IL1RAPL1: variants seen among roughly 807,000 people sequenced by gnomAD.
The protein encoded by IL1RAPL1 is interleukin-1 receptor accessory protein-like 1.
IL1RAPL1 carries 3 observed loss-of-function variants against 48.4 expected under a neutral mutation model. The ratio of observed to expected loss-of-function variants is 0.06; its 90% CI spans 0.03 to 0.16. The LOEUF (loss-of-function observed/expected upper bound fraction) is 0.16, where lower values mean the gene tolerates loss of function less well. Among genes scored for constraint, IL1RAPL1 ranks in the 10% least tolerant of loss-of-function variants. The probability of loss-of-function intolerance (pLI) is 1.00; values close to 1 mark genes in which losing one functional copy is unlikely to be tolerated. For synonymous variants in IL1RAPL1, 185 were observed against 187.7 expected (o/e 0.99, Z 0.12); for missense variants, 349 against 530.6 (o/e 0.66, Z 3.36).
chrX:29,456,372 A>G (rs1039244979), intron 5 of IL1RAPL1, among the ~76,000 whole-genome samples: 9 of 111,742 alleles, frequency 8.1e-5, no homozygotes, highest in African/African-American at 2.9e-4. Flanking sequence ...GTCATGGCTA[A>G]CTGTTATAAA....
intron 5 of IL1RAPL1, among the ~76,000 whole-genome samples, chrX:29,537,561 A>G (rs1921275197): frequency 9.1e-6 from 1 of 109,667 alleles, no homozygotes; most frequent in Non-Finnish European, 1.9e-5. Flanking sequence ...TAAAATGCAA[A>G]CAATTAAGAT....
In IL1RAPL1 at chrX:28,759,748, C is replaced by G. The variant is rs1936146266; in HGVS notation, c.-24-29572C>G. On this transcript the variant is annotated intron_variant, in intron 1 of 10. Coordinates refer to ENST00000378993, the MANE Select transcript of IL1RAPL1 (RefSeq NM_014271.4). The stretch of plus-strand genomic sequence containing the variant: ...CCATAATAAAATGGTACGAAATGAT[C>G]ACCAAGCCTTTGGCTCAAAGGTTGG... Among the ~76,000 whole-genome samples, 3 of 111,595 alleles carry G rather than the reference C, an allele frequency of 2.7e-5. No homozygotes were observed. In the South Asian group the frequency reaches 1.1e-3, roughly 42 times the overall value.
Position 29,236,708 on chromosome X carries a change from G to A in IL1RAPL1, c.83-46230G>A, listed in dbSNP as rs1160934381. Among the ~76,000 whole-genome samples the A allele has an allele frequency of 1.1e-4, 11 of 98,197 alleles. 2 individuals are homozygous for A. Among genetic ancestry groups the A allele is most frequent in the Non-Finnish European group, 1.8e-4 (9 of 48,717 alleles). 85.3% of individuals were successfully genotyped at this position (98,197 alleles called of 115,157 possible). A position where few individuals can be genotyped will look rare whatever the true frequency, so the allele number is the denominator to read the frequency against. Reference sequence around the variant, plus strand: ...CTCCCCAGTAGCTGGGACTACAGGCGCCCACCACGCCTGGCTAATTTTTTT... The same window carrying A: ...CTCCCCAGTAGCTGGGACTACAGGCACCCACCACGCCTGGCTAATTTTTTT... On this transcript the variant is annotated intron_variant, in intron 2 of 10. Transcript: ENST00000378993.
intron 6 of IL1RAPL1, among the ~76,000 whole-genome samples, chrX:29,669,131 G>A (rs1008527392): frequency 1.8e-5 from 2 of 110,977 alleles, no homozygotes; most frequent in Admixed American, 1.9e-4. Context: ...TAGAAATTTT[G>A]AGTTTGATTT....
intron 8 of IL1RAPL1, among the ~76,000 whole-genome samples, chrX:29,923,713 G>C (rs953560448): frequency 9.8e-5 from 11 of 112,108 alleles, no homozygotes; most frequent in African/African-American, 3.2e-4. Flanking sequence ...AACACACACT[G>C]AACACTGACC....
intron 2 of IL1RAPL1, among the ~76,000 whole-genome samples, chrX:29,197,434 T>C (rs1175302045): frequency 8.9e-6 from 1 of 111,830 alleles, no homozygotes; most frequent in African/African-American, 3.3e-5. Context: ...CCCACTTTAA[T>C]GAAAATGCAG....
intron 5 of IL1RAPL1, among the ~76,000 whole-genome samples, chrX:29,400,461 G>A (rs1178609319): frequency 8.9e-6 from 1 of 111,752 alleles, no homozygotes; most frequent in East Asian, 2.8e-4. Flanking sequence ...GGTTTCATGA[G>A]AAAAGTGGGG....
intron 5 of IL1RAPL1, among the ~76,000 whole-genome samples, chrX:29,444,642 A>G (rs1337044785): frequency 1.8e-5 from 2 of 112,018 alleles, no homozygotes; most frequent in Non-Finnish European, 3.8e-5. Context: ...CTTGTGAATT[A>G]GTAGCTCCAG....
At chrX:29,144,976 G>T (rs972980555) in intron 2 of IL1RAPL1, among the ~76,000 whole-genome samples, 2 of 110,038 alleles carry the variant, frequency 1.8e-5, no homozygotes, top group Non-Finnish European at 1.9e-5. Context: ...TGATCTGCCC[G>T]CCTTGACCTC....
At chrX:29,166,693 T>C (rs1037571438) in intron 2 of IL1RAPL1, among the ~76,000 whole-genome samples, 3 of 112,043 alleles carry the variant, frequency 2.7e-5, no homozygotes, top group African/African-American at 9.7e-5. Context: ...TCCCAAATCC[T>C]TAATGAGACC....
At chrX:29,086,419 G>T (rs1465661022) in intron 2 of IL1RAPL1, among the ~76,000 whole-genome samples, 3 of 112,107 alleles carry the variant, frequency 2.7e-5, no homozygotes, top group Non-Finnish European at 5.6e-5. Context: ...TCAATCTCAA[G>T]GTAGAATTCC....
chrX:29,393,544 T>C (rs1210195116), intron 3 of IL1RAPL1, among the ~76,000 whole-genome samples: 1 of 111,729 alleles, frequency 9.0e-6, no homozygotes, highest in Non-Finnish European at 1.9e-5. Context: ...TCTCTCTCTC[T>C]GTATATGAAT....
chrX:28,955,711 T>C (rs1448704614), intron 2 of IL1RAPL1, among the ~76,000 whole-genome samples: 39 of 107,204 alleles, frequency 3.6e-4, no homozygotes, highest in Middle Eastern at 4.6e-3. Flanking sequence ...AGTCAGGTAG[T>C]GTGATGCCTC....
intron 6 of IL1RAPL1, among the ~76,000 whole-genome samples, chrX:29,748,239 T>C (rs1928380504): frequency 8.9e-6 from 1 of 112,112 alleles, no homozygotes; most frequent in Admixed American, 9.5e-5. Context: ...ACTAGTATAA[T>C]GGACAGATCA....
At chrX:29,927,439 C>T (rs780187274) in intron 8 of IL1RAPL1, among the ~76,000 whole-genome samples, 5 of 111,553 alleles carry the variant, frequency 4.5e-5, no homozygotes, top group African/African-American at 1.6e-4. Flanking sequence ...TGGTTCATTG[C>T]CCTCACACTC....
intron 3 of IL1RAPL1, among the ~76,000 whole-genome samples, chrX:29,375,130 T>C (rs1933603718): frequency 9.4e-6 from 1 of 106,394 alleles, no homozygotes; most frequent in African/African-American, 3.4e-5. Context: ...TTCTCTGATA[T>C]GAGTCTCTGT....
At chrX:29,595,698 T>A (rs758913292) in intron 5 of IL1RAPL1, among the ~76,000 whole-genome samples, 1 of 112,290 alleles carries the variant, frequency 8.9e-6, no homozygotes, top group East Asian at 2.8e-4. Context: ...TTTCTGTTAA[T>A]TCTGATTATT....
At chrX:29,416,073 T>A (rs1382736015) in intron 5 of IL1RAPL1, among the ~76,000 whole-genome samples, 1 of 111,715 alleles carries the variant, frequency 9.0e-6, no homozygotes, top group Non-Finnish European at 1.9e-5. Context: ...CTTATTATAC[T>A]CACTTTGTGT....
At chrX:29,428,151 A>G (rs776782164) in intron 5 of IL1RAPL1, among the ~76,000 whole-genome samples, 1 of 112,065 alleles carries the variant, frequency 8.9e-6, no homozygotes, top group South Asian at 3.7e-4. Context: ...AGATTGAAGT[A>G]CAAGCTGTTT....
Sources: allele counts gnomAD v4.1 joint callset (sites outside exome capture counted in the v4.1 genomes callset), GRCh38; gene constraint gnomAD v4.1.1; transcripts MANE v1.5; gene names NCBI Gene and HGNC (gene_info 2026-07-23, HGNC 2026-07-21).